SLC25A43: variants seen among roughly 807,000 people sequenced by gnomAD.
SLC25A43 encodes solute carrier family 25 member 43.
Under a neutral mutation model 22.8 loss-of-function variants are expected in SLC25A43, and 10 were observed. The ratio of observed to expected loss-of-function variants is 0.44; its 90% CI spans 0.27 to 0.74. The LOEUF is 0.74. Among genes scored for constraint, SLC25A43 ranks in the 30% least tolerant of loss-of-function variants. The pLI, the probability that SLC25A43 is intolerant of heterozygous loss-of-function variation, is 0.17. For missense variants in SLC25A43, 233 were observed against 279.1 expected (o/e 0.83, Z 1.18); for synonymous variants, 106 against 121.6 (o/e 0.87, Z 0.84).
rs1164571623 is a variant in SLC25A43, at chrX:119,410,192, G to A, written c.520G>A (p.Ala174Thr). The change falls in exon 3 of 5, where the codon GCT becomes ACT. Residue 174 changes from alanine (A) to threonine (T), a missense_variant and splice_region_variant. By Grantham distance (58) the Ala-to-Thr change is moderately conservative. Coordinates refer to ENST00000217909, the MANE Select transcript of SLC25A43 (RefSeq NM_145305.3). ...TTCTCCCTGGCCTTGTTTTGCAGGT[G>A]CTCTCCCGTTCTCTGCTGGCTCCCT... ...YRGVSLTVVG[A>T]LPFSAGSLLV... The A allele has an allele frequency of 2.5e-6, 3 of 1,209,795 alleles. No homozygotes were observed. The highest frequency in any genetic ancestry group is 3.5e-5 in the African/African-American group (2 of 57,567).
chrX:119,421,221 T>C (rs1017396224), intron 3 of SLC25A43, among the ~76,000 whole-genome samples: 1 of 109,889 alleles, frequency 9.1e-6, no homozygotes, highest in Non-Finnish European at 1.9e-5. Flanking sequence ...CAAAATGTGA[T>C]TTGCATCTAA....
At chrX:119,430,413 C>G (rs1467964175) in intron 3 of SLC25A43, among the ~76,000 whole-genome samples, 1 of 112,210 alleles carries the variant, frequency 8.9e-6, no homozygotes, top group Non-Finnish European at 1.9e-5. Context: ...AATTGAAGCT[C>G]CAGAAGGTAA....
In SLC25A43 at chrX:119,444,123, A is replaced by G. The variant is rs186947267; in HGVS notation, c.691-7886A>G. Among the ~76,000 whole-genome samples the G allele has an allele frequency of 5.4e-5, 6 of 111,793 alleles. No homozygotes were observed. In the East Asian group the frequency reaches 1.7e-3, roughly 31 times the overall value. ...ATTAATGAGGAAAGATATAACAATC[A>G]TTAATATAAAATAAAGAATTGTGAA... On this transcript the variant is annotated intron_variant, in intron 3 of 4. Transcript: ENST00000217909.
rs1485994276 is a variant in SLC25A43, at chrX:119,444,715, A to G, written c.691-7294A>G. Among the ~76,000 whole-genome samples the G allele has an allele frequency of 1.3e-4, 14 of 104,719 alleles. 1 individual carries two copies. In the Admixed American group the frequency reaches 1.4e-3, roughly 11 times the overall value. The allele number at this position is 104,719 out of a possible 115,157, so 90.9% of individuals were successfully genotyped here. A position where few individuals can be genotyped will look rare whatever the true frequency, so the allele number is the denominator to read the frequency against. On this transcript the variant is annotated intron_variant, in intron 3 of 4. Coordinates refer to ENST00000217909, the MANE Select transcript of SLC25A43 (RefSeq NM_145305.3). ...TGAAACTGTGTCTCAAAAAAAAAAA[A>G]AAAAGAAGAAATTGAAGCTCAGAGA...
At chrX:119,406,359 A>C (rs2052296458) in intron 1 of SLC25A43, 101 bp from the exon 2 acceptor site, 6 of 987,525 alleles carry the variant, frequency 6.1e-6, no homozygotes, top group Middle Eastern at 5.3e-4. Context: ...TCACTTTGTA[A>C]AGTACTTTGA....
Position 119,430,497 on chromosome X carries a change from G to A in SLC25A43, c.690+20135G>A, listed in dbSNP as rs2052543076. ...CCGAGTCCAAACAGTCTGGCTTCAG[G>A]GCCCATGTGCTTTGTCTCCCAGGCA... On this transcript the variant is annotated intron_variant, in intron 3 of 4. Coordinates refer to ENST00000217909, the MANE Select transcript of SLC25A43 (RefSeq NM_145305.3). 2.7e-5 allele frequency among the ~76,000 whole-genome samples: 3 copies of A among 111,809 alleles called. No homozygotes were observed. In the Admixed American group the frequency reaches 2.9e-4, roughly 11 times the overall value.
chrX:119,414,042 C>T (rs774845807), intron 3 of SLC25A43, among the ~76,000 whole-genome samples: 33 of 112,013 alleles, frequency 2.9e-4, no homozygotes, highest in Non-Finnish European at 5.1e-4. Flanking sequence ...TCCACCAGCA[C>T]TAAAGCAGTG....
Position 119,410,258 on chromosome X carries a change from C to G in SLC25A43, c.586C>G (p.Arg196Gly). 1 of 1,210,892 alleles carries G rather than the reference C, an allele frequency of 8.3e-7. No individual in the cohort carries two copies. The change falls in exon 3 of 5, where the codon CGA (arginine) becomes GGA (glycine). Residue 196 changes from arginine (R) to glycine (G), a missense_variant. Coordinates refer to ENST00000217909, the MANE Select transcript of SLC25A43 (RefSeq NM_145305.3). ...CCTGGAGAAAATCTGGAACGGACCC[C>G]GAGATCAGTTCTCTCTCCCACAGAA... is the stretch of plus-strand genomic sequence containing the variant. ...MNLEKIWNGP[R>G]DQFSLPQNFA... is the part of the protein sequence containing the mutation.
intron 1 of SLC25A43, 141 bp downstream of exon 1, chrX:119,399,819 G>A: frequency 1.6e-6 from 1 of 640,774 alleles, no homozygotes; most frequent in Non-Finnish European, 2.1e-6. Context: ...GGGACCCCTC[G>A]GGGCGGTGGG....
chrX:119,453,079 T>C lies in SLC25A43; in HGVS notation c.*14T>C, dbSNP rs1170955837. On this transcript the variant is annotated 3_prime_UTR_variant, in exon 5 of 5. Transcript: ENST00000217909. Reference sequence around the variant, plus strand: ...CCAACTCTATAAAATGGAATGGAACTAGAAGTGCACTGACTGACAGCATGT... The same window carrying C: ...CCAACTCTATAAAATGGAATGGAACCAGAAGTGCACTGACTGACAGCATGT... 8.6e-7 allele frequency: 1 copy of C among 1,162,684 alleles called. No individual in the cohort carries two copies. The highest frequency in any genetic ancestry group is 1.8e-5 in the African/African-American group (1 of 56,168).
chrX:119,418,717 A>G (rs762564118), intron 3 of SLC25A43, among the ~76,000 whole-genome samples: 7 of 112,082 alleles, frequency 6.2e-5, no homozygotes, highest in African/African-American at 2.3e-4. Context: ...TAAATAAATT[A>G]TGCATGTGCA....
At chrX:119,403,635 T>C (rs1278983208) in intron 1 of SLC25A43, among the ~76,000 whole-genome samples, 2 of 111,331 alleles carry the variant, frequency 1.8e-5, no homozygotes, top group African/African-American at 3.3e-5. Flanking sequence ...CTTTCTGAGG[T>C]CCCCCTCCAA....
intron 3 of SLC25A43, among the ~76,000 whole-genome samples, chrX:119,442,955 AC>A (rs2052633129): frequency 9.0e-6 from 1 of 111,441 alleles, no homozygotes. Context: ...CACTAGAGAT[AC>A]GAAAATTAAA....
At position 119,431,466 on chromosome X, in the gene SLC25A43, T is replaced by G. The variant is rs780995442; in HGVS notation, c.691-20543T>G. 1.8e-3 allele frequency among the ~76,000 whole-genome samples: 192 copies of G among 104,295 alleles called. 1 individual carries two copies. Among genetic ancestry groups the G allele is most frequent in the African/African-American group, 6.6e-3 (184 of 27,943 alleles). The allele number at this position is 104,295 out of a possible 115,157, so 90.6% of individuals were successfully genotyped here. A position where few individuals can be genotyped will look rare whatever the true frequency, so the allele number is the denominator to read the frequency against. On this transcript the variant is annotated intron_variant, in intron 3 of 4. Coordinates refer to ENST00000217909, the MANE Select transcript of SLC25A43 (RefSeq NM_145305.3). Reference sequence around the variant, plus strand: ...AGGTGGAGGTTGCAGTAAGCCAAGATCGTGCCACTGCACTTCAGCCCGGAA... The same window carrying G: ...AGGTGGAGGTTGCAGTAAGCCAAGAGCGTGCCACTGCACTTCAGCCCGGAA...
chrX:119,441,590 G>T (rs1242306586), intron 3 of SLC25A43, among the ~76,000 whole-genome samples: 1 of 111,232 alleles, frequency 9.0e-6, no homozygotes, highest in African/African-American at 3.3e-5. Flanking sequence ...GAATTTTCCT[G>T]GTGTGAATTA....
intron 3 of SLC25A43, among the ~76,000 whole-genome samples, chrX:119,416,541 G>T (rs1255022347): frequency 8.9e-6 from 1 of 112,550 alleles, no homozygotes; most frequent in Non-Finnish European, 1.9e-5. Flanking sequence ...TTAATGTCTA[G>T]TGGAATATAG....
At chrX:119,430,879 T>C (rs1039386612) in intron 3 of SLC25A43, among the ~76,000 whole-genome samples, 1 of 112,112 alleles carries the variant, frequency 8.9e-6, no homozygotes, top group Admixed American at 9.5e-5. Context: ...GAGGCACTTA[T>C]TCATACCACA....
chrX:119,421,161 C>G (rs1262645157), intron 3 of SLC25A43, among the ~76,000 whole-genome samples: 5 of 104,512 alleles, frequency 4.8e-5, no homozygotes, highest in African/African-American at 1.8e-4. Flanking sequence ...GCATTCCGAG[C>G]CATCATGGCT....
Position 119,453,516 on chromosome X carries a change from A to C in SLC25A43, c.*451A>C, listed in dbSNP as rs929189090. 3 of 127,452 alleles carry C rather than the reference A, an allele frequency of 2.4e-5. No individual in the cohort carries two copies. The highest frequency in any genetic ancestry group is 9.6e-5 in the African/African-American group (3 of 31,109). The allele number at this position is 127,452 out of a possible 1,213,427, so 10.5% of individuals were successfully genotyped here. ...CTAGTTTCACTCAGTTTGACCTGAG[A>C]CTTTCCAATACAATCTGTTGTTTTG... is the stretch of plus-strand genomic sequence containing the variant. On this transcript the variant is annotated 3_prime_UTR_variant, in exon 5 of 5. Transcript: ENST00000217909.
Sources: gnomAD v4.1 joint callset for allele counts (sites outside exome capture counted in the v4.1 genomes callset) on GRCh38, gnomAD v4.1.1 for gene constraint, MANE v1.5 for transcripts, NCBI Gene and HGNC (gene_info 2026-07-23, HGNC 2026-07-21) for gene names.